Variants in CDH17 observed in about 807,000 individuals in gnomAD.
CDH17 encodes the protein cadherin-17.
In CDH17, 67 loss-of-function variants were observed where a neutral mutation model predicts 86.3. That is an observed-to-expected ratio of 0.78 (90% CI 0.64 to 0.95). The LOEUF (loss-of-function observed/expected upper bound fraction) is 0.95, where lower values mean the gene tolerates loss of function less well. Among genes scored for constraint, CDH17 ranks in the 40% least tolerant of loss-of-function variants. The probability of loss-of-function intolerance (pLI) is 0.00; values close to 1 mark genes in which losing one functional copy is unlikely to be tolerated. For synonymous variants in CDH17, 367 were observed against 366.4 expected, an observed-to-expected ratio of 1.00 and a Z score of -0.02; for missense variants, 993 against 1,017.6, an observed-to-expected ratio of 0.98 and a Z score of 0.33.
intron 4 of CDH17, among the ~76,000 whole-genome samples, chr8:94,177,195 A>C (rs1813390836): frequency 6.6e-6 from 1 of 152,134 alleles, no homozygotes. Context: ...TCCAACGCCC[A>C]AAGGAGCTCC....
intron 5 of CDH17, among the ~76,000 whole-genome samples, chr8:94,176,198 G>C (rs1339497226): frequency 1.3e-5 from 2 of 152,158 alleles, no homozygotes; most frequent in African/African-American, 4.8e-5. Context: ...CCACCCACCA[G>C]AGGATATTTG....
chr8:94,201,933 GATAAAT>G (rs1255121876), intron 1 of CDH17: 3 of 189,572 alleles, frequency 1.6e-5, no homozygotes, highest in African/African-American at 7.2e-5. Context: ...AATTTGTGAG[GATAAAT>G]TCCATTCACC....
intron 11 of CDH17, among the ~76,000 whole-genome samples, chr8:94,161,692 CA>C (rs1398309331): frequency 6.6e-6 from 1 of 152,088 alleles, no homozygotes; most frequent in Admixed American, 6.6e-5. Flanking sequence ...GCCAATATTC[CA>C]AATATTAAAT....
intron 3 of CDH17, among the ~76,000 whole-genome samples, chr8:94,186,048 G>A (rs973280802): frequency 1.3e-5 from 2 of 151,926 alleles, no homozygotes; most frequent in Non-Finnish European, 1.5e-5. Flanking sequence ...GCCCCTAAGA[G>A]CAGTTGAGAT....
In CDH17 at chr8:94,162,092, T is replaced by C; in HGVS notation, c.1353A>G (p.Lys451=). 1 of 1,576,064 alleles carries C rather than the reference T, an allele frequency of 6.3e-7. No individual in the cohort carries two copies. Among genetic ancestry groups the C allele is most frequent in the Non-Finnish European group, 8.7e-7 (1 of 1,145,576 alleles). ...DINDQIPIFE[K]SDYGNLTLAE... ...AATAATGACAACTACTCACATCTGA[T>C]TTTTCAAAGATGGGGATCTGATCAT... Residue 451 remains lysine, a synonymous_variant, in exon 11 of 18, where the codon AAA becomes AAG. Transcript: ENST00000027335.
chr8:94,175,154 C>A (rs79773579), intron 5 of CDH17, among the ~76,000 whole-genome samples: 1 of 152,146 alleles, frequency 6.6e-6, no homozygotes, highest in African/African-American at 2.4e-5. Flanking sequence ...AGCTGTTAAG[C>A]CTTTACCAGG....
At chr8:94,175,096 G>A (rs1813347834) in intron 5 of CDH17, among the ~76,000 whole-genome samples, 1 of 152,062 alleles carries the variant, frequency 6.6e-6, no homozygotes, top group South Asian at 2.1e-4. Context: ...TTTGCAACAT[G>A]GAAACTAGAA....
chr8:94,158,036 A>G (rs1182063934), intron 12 of CDH17, among the ~76,000 whole-genome samples: 2 of 152,124 alleles, frequency 1.3e-5, no homozygotes, highest in African/African-American at 4.8e-5. Context: ...CTGCCTCTGG[A>G]TGGTTGAACA....
chr8:94,189,959 G>T (rs1038488578), intron 2 of CDH17, among the ~76,000 whole-genome samples: 2 of 152,122 alleles, frequency 1.3e-5, no homozygotes, highest in Non-Finnish European at 2.9e-5. Flanking sequence ...CCCCACAATG[G>T]TTCCAAAATC....
intron 1 of CDH17, among the ~76,000 whole-genome samples, chr8:94,205,429 T>C (rs77304830): frequency 0.012 from 1,887 of 152,130 alleles, 35 homozygotes; most frequent in African/African-American, 0.043. Context: ...CCATAGGATT[T>C]AGACACTGAA....
At position 94,177,700 on chromosome 8, in the gene CDH17, C is replaced by T. The variant is rs1813402512; in HGVS notation, c.172G>A (p.Val58Met). The change falls in exon 4 of 18, where the codon GTG becomes ATG. Residue 58 changes from valine to methionine, a missense_variant. Val to Met is a conservative substitution (Grantham distance 21). Coordinates refer to ENST00000027335, the MANE Select transcript of CDH17 (RefSeq NM_004063.4). ...GTCTCCCCAGTTAGTTCAAAAGTCACAGCAGGAGGATTGGCCTTAAACTGG... is the reference window on the plus strand; with the variant it reads ...GTCTCCCCAGTTAGTTCAAAAGTCATAGCAGGAGGATTGGCCTTAAACTGG... ...IFQFKANPPA[V>M]TFELTGETDN... 4 of 1,613,608 alleles carry T rather than the reference C, an allele frequency of 2.5e-6. No homozygotes were observed. In the African/African-American group the frequency reaches 4.0e-5, roughly 16 times the overall value.
chr8:94,148,300 G>A (rs1812784423), intron 14 of CDH17, among the ~76,000 whole-genome samples: 1 of 152,186 alleles, frequency 6.6e-6, no homozygotes, highest in Non-Finnish European at 1.5e-5. Context: ...CCAGCACTTT[G>A]GGAGGTGGAG....
intron 12 of CDH17, among the ~76,000 whole-genome samples, chr8:94,153,259 T>C (rs1812888918): frequency 6.6e-6 from 1 of 152,008 alleles, no homozygotes; most frequent in African/African-American, 2.4e-5. Flanking sequence ...AACAAGTATA[T>C]GGAAAAAAAT....
chr8:94,209,889 T>C (rs1360343732), upstream of CDH17, among the ~76,000 whole-genome samples: 2 of 151,234 alleles, frequency 1.3e-5, no homozygotes, highest in Non-Finnish European at 2.9e-5. Context: ...CTTTGAAAAT[T>C]TTAAAATAAT....
intron 12 of CDH17, among the ~76,000 whole-genome samples, chr8:94,157,852 G>C (rs1412316366): frequency 6.6e-6 from 1 of 152,182 alleles, no homozygotes; most frequent in Non-Finnish European, 1.5e-5. Context: ...AGAGGTTGAG[G>C]CTGCAATGAG....
At chr8:94,215,444 C>T (rs1270325768) in intron 1 of CDH17, among the ~76,000 whole-genome samples, 3 of 152,042 alleles carry the variant, frequency 2.0e-5, no homozygotes, top group Admixed American at 6.6e-5. Flanking sequence ...ATAGGCAAGT[C>T]CATAGACAGA....
At chr8:94,194,855 C>A in intron 1 of CDH17, 150 bp from the exon 2 acceptor site, 1 of 586,716 alleles carries the variant, frequency 1.7e-6, no homozygotes. Context: ...TGGAGCAGCC[C>A]AGTCTTCCAG....
intron 13 of CDH17, among the ~76,000 whole-genome samples, chr8:94,150,121 T>C (rs1192967398): frequency 1.3e-5 from 2 of 152,220 alleles, no homozygotes; most frequent in African/African-American, 4.8e-5. Context: ...ATATTCCATA[T>C]GCCAAACACT....
At chr8:94,205,295 A>G (rs540852140) in intron 1 of CDH17, among the ~76,000 whole-genome samples, 1 of 152,204 alleles carries the variant, frequency 6.6e-6, no homozygotes, top group Admixed American at 6.5e-5. Flanking sequence ...GTGTTTCTTT[A>G]TGTATTACAC....
Sources: gnomAD v4.1 joint callset for allele counts (sites outside exome capture counted in the v4.1 genomes callset) on GRCh38, gnomAD v4.1.1 for gene constraint, MANE v1.5 for transcripts, NCBI Gene and HGNC (gene_info 2026-07-23, HGNC 2026-07-21) for gene names.